NEURL1: variants seen among roughly 807,000 people sequenced by gnomAD.
The protein encoded by NEURL1 is neuralized E3 ubiquitin protein ligase 1.
A neutral mutation model predicts 41.2 loss-of-function variants in NEURL1; 26 were observed. That is an observed-to-expected ratio of 0.63 (90% confidence interval 0.46 to 0.87). The LOEUF (loss-of-function observed/expected upper bound fraction) is 0.87. NEURL1 is among the 40% of genes least tolerant of loss of function. The probability of loss-of-function intolerance (pLI) is 0.00; values close to 1 mark genes in which losing one functional copy is unlikely to be tolerated. For missense variants in NEURL1, 761 were observed against 871.1 expected (o/e 0.87, Z 1.59); for synonymous variants, 400 against 402.3 (o/e 0.99, Z 0.07).
chr10:103,585,785 A>G (rs2035909810), intron 4 of NEURL1, among the ~76,000 whole-genome samples: 1 of 148,680 alleles, frequency 6.7e-6, no homozygotes, highest in African/African-American at 2.5e-5. Context: ...GTGAGCCAAG[A>G]TCGTGCCACT....
chr10:103,584,683 C>G lies in NEURL1; in HGVS notation c.797C>G (p.Ala266Gly), dbSNP rs774034733. Residue 266 changes from alanine to glycine, a missense_variant, in exon 4 of 6, where the codon GCG becomes GGG. This residue lies in a region of NEURL1 where 443 missense variants were observed against 408.1 expected (regional missense o/e 1.09). Coordinates refer to ENST00000369780, the MANE Select transcript of NEURL1 (RefSeq NM_004210.5). ...CCGGGCGCGGACGGCGACGAGGCCG[C>G]GCCGGCCGCCGGCTGCCCCATCCCG... The part of the protein sequence containing the change: ...NVPGADGDEA[A>G]PAAGCPIPQN... 1.3e-5 allele frequency: 19 copies of G among 1,430,252 alleles called. No homozygotes were observed. The highest frequency in any genetic ancestry group is 1.7e-5 in the Non-Finnish European group (19 of 1,098,046). The allele number at this position is 1,430,252 out of a possible 1,614,324, so 88.6% of individuals were successfully genotyped here.
chr10:103,582,973 G>A (rs1253537892), intron 3 of NEURL1, among the ~76,000 whole-genome samples: 4 of 152,206 alleles, frequency 2.6e-5, no homozygotes, highest in African/African-American at 9.7e-5. Flanking sequence ...TCATAACGCC[G>A]CTGAGCTTTA....
At chr10:103,577,455 G>C (rs1377763314) in intron 3 of NEURL1, 1 of 152,556 alleles carries the variant, frequency 6.6e-6, no homozygotes, top group Non-Finnish European at 1.5e-5. Context: ...CCATTTTGTA[G>C]ATAAGGAACA....
intron 1 of NEURL1, among the ~76,000 whole-genome samples, chr10:103,500,046 A>T (rs1290376998): frequency 6.6e-6 from 1 of 152,142 alleles, no homozygotes; most frequent in Non-Finnish European, 1.5e-5. Flanking sequence ...AGGTGAGCTC[A>T]TCCAGCTCTC....
chr10:103,564,012 A>T (rs2133874065), intron 1 of NEURL1, among the ~76,000 whole-genome samples: 1 of 152,244 alleles, frequency 6.6e-6, no homozygotes, highest in Admixed American at 6.5e-5. Flanking sequence ...GCTCCCCCCC[A>T]TCTCTCCTTG....
chr10:103,556,448 C>T lies in NEURL1; in HGVS notation c.86-14424C>T, dbSNP rs1344480145. On this transcript the variant is annotated intron_variant, in intron 1 of 5. Transcript: ENST00000369780. This position sits in a 1 kb window ranked among gnomAD's most constrained non-coding sequence, Gnocchi z 4.4. The stretch of plus-strand genomic sequence containing the variant: ...GGGGTATTAGGAGGTGGGACAGTGT[C>T]CATCTGCCGAGTCCAGTGGGCACTG... Among the ~76,000 whole-genome samples the T allele has an allele frequency of 6.6e-6, 1 of 152,046 alleles. No individual in the cohort carries two copies. The highest frequency in any genetic ancestry group is 1.5e-5 in the Non-Finnish European group (1 of 68,026).
rs76928295 is a variant in NEURL1, at chr10:103,591,307, G to C, written c.*935G>C. 4 of 152,708 alleles carry C rather than the reference G, an allele frequency of 2.6e-5. No homozygotes were observed. Among genetic ancestry groups the C allele is most frequent in the Non-Finnish European group, 4.4e-5 (3 of 68,108 alleles). 9.5% of individuals were successfully genotyped at this position (152,708 alleles called of 1,614,324 possible). A position where few individuals can be genotyped will look rare whatever the true frequency, so the allele number is the denominator to read the frequency against. On this transcript the variant is annotated 3_prime_UTR_variant, in exon 6 of 6. Coordinates refer to ENST00000369780, the MANE Select transcript of NEURL1 (RefSeq NM_004210.5). ...TCCAGGGCCTAGGCTGATAGTCAGAGCCTGTGGCACACCTGGGATGGGCCA... is the reference window on the plus strand; with the variant it reads ...TCCAGGGCCTAGGCTGATAGTCAGACCCTGTGGCACACCTGGGATGGGCCA...
At chr10:103,548,809 G>A (rs1592213791) in intron 1 of NEURL1, among the ~76,000 whole-genome samples, 2 of 152,230 alleles carry the variant, frequency 1.3e-5, no homozygotes, top group Middle Eastern at 6.8e-3. Flanking sequence ...ACAAGTTTCT[G>A]GGCCATGTGA....
At chr10:103,563,302 G>A (rs1402336409) in intron 1 of NEURL1, among the ~76,000 whole-genome samples, 2 of 152,192 alleles carry the variant, frequency 1.3e-5, no homozygotes, top group African/African-American at 2.4e-5. Context: ...GGTGGGCAGG[G>A]CAGCTATGAT....
At chr10:103,550,020 C>T (rs2035001592) in intron 1 of NEURL1, among the ~76,000 whole-genome samples, 2 of 152,236 alleles carry the variant, frequency 1.3e-5, no homozygotes, top group Non-Finnish European at 2.9e-5. Flanking sequence ...GGCTCTTCCC[C>T]ATTAGAGAGC....
Position 103,545,715 on chromosome 10 carries a change from C to T in NEURL1, c.86-25157C>T, listed in dbSNP as rs544170185. Among the ~76,000 whole-genome samples, 10 of 152,232 alleles carry T rather than the reference C, an allele frequency of 6.6e-5. No homozygotes were observed. Among genetic ancestry groups the T allele is most frequent in the Non-Finnish European group, 7.3e-5 (5 of 68,038 alleles). ...CCTATTTTTTGAGCCAAGCCAAGCCCTCTGCTCCTGCAAGGGACTGCCACA... is the reference window on the plus strand; with the variant it reads ...CCTATTTTTTGAGCCAAGCCAAGCCTTCTGCTCCTGCAAGGGACTGCCACA... On this transcript the variant is annotated intron_variant, in intron 1 of 5. Transcript: ENST00000369780. The surrounding 1 kb of genome is among the most constrained non-coding windows in gnomAD (Gnocchi z 4.5).
chr10:103,548,319 A>T (rs893417901), intron 1 of NEURL1, among the ~76,000 whole-genome samples: 1 of 149,958 alleles, frequency 6.7e-6, no homozygotes, highest in Non-Finnish European at 1.5e-5. Flanking sequence ...CCTTGGGGTA[A>T]TATGTATTTT....
At chr10:103,581,799 C>CT (rs1201329384) in intron 3 of NEURL1, among the ~76,000 whole-genome samples, 3 of 152,124 alleles carry the variant, frequency 2.0e-5, no homozygotes, top group Non-Finnish European at 2.9e-5. Flanking sequence ...TGTGGGGACT[C>CT]TGAGTATTCC....
At chr10:103,551,297 A>AT (rs528332099) in intron 1 of NEURL1, among the ~76,000 whole-genome samples, 7,598 of 118,536 alleles carry the variant, frequency 0.064, 542 homozygotes, top group African/African-American at 0.15. Flanking sequence ...GGTCAAATGA[A>AT]TTTTTTTTTT....
In NEURL1 at chr10:103,570,986, C is replaced by T. The variant is rs776204814; in HGVS notation, c.200C>T (p.Pro67Leu). The change falls in exon 2 of 6, where the codon CCG (proline) becomes CTG (leucine). Residue 67 changes from proline to leucine, a missense_variant. Around this residue, in one of 5 missense-constraint regions of NEURL1, gnomAD observed 94 missense variants for 96.6 expected, o/e 0.97. Transcript: ENST00000369780. ...CCAGCCACGCCGCTGCTCTTCCACC[C>T]GCACACCAAGGGCTCCCAGATCCTC... ...GLPATPLLFH[P>L]HTKGSQILMD... The T allele has an allele frequency of 2.5e-6, 4 of 1,613,922 alleles. No homozygotes were observed. Among genetic ancestry groups the T allele is most frequent in the African/African-American group, 1.3e-5 (1 of 74,922 alleles).
At chr10:103,516,673 G>C (rs1311489336) in intron 1 of NEURL1, among the ~76,000 whole-genome samples, 1 of 152,160 alleles carries the variant, frequency 6.6e-6, no homozygotes, top group Non-Finnish European at 1.5e-5. Flanking sequence ...GGCCAAGGGA[G>C]CAGAGTTTAG....
chr10:103,520,582 G>A (rs1396746988), intron 1 of NEURL1, among the ~76,000 whole-genome samples: 1 of 152,190 alleles, frequency 6.6e-6, no homozygotes, highest in African/African-American at 2.4e-5. Flanking sequence ...AGGCCATCTG[G>A]ATGTTTACGT....
chr10:103,537,478 C>A (rs573617842), intron 1 of NEURL1, among the ~76,000 whole-genome samples: 1 of 152,258 alleles, frequency 6.6e-6, no homozygotes, highest in Admixed American at 6.5e-5. Flanking sequence ...TGGCTCACTG[C>A]AACCTCCTGG....
chr10:103,549,052 T>C (rs2034982500), intron 1 of NEURL1: 1 of 152,342 alleles, frequency 6.6e-6, no homozygotes, highest in Admixed American at 6.5e-5. Context: ...CCTGGTTTCT[T>C]CCTTGTTCCA....
Sources: allele counts gnomAD v4.1 joint callset (sites outside exome capture counted in the v4.1 genomes callset), GRCh38; gene constraint gnomAD v4.1.1; regional missense constraint gnomAD v4.1.1; non-coding constraint Gnocchi (gnomAD v3.1); transcripts MANE v1.5; gene names NCBI Gene and HGNC (gene_info 2026-07-23, HGNC 2026-07-21).